CPEB3: variants seen among roughly 807,000 people sequenced by gnomAD.
CPEB3 encodes cytoplasmic polyadenylation element binding protein 3.
A neutral mutation model predicts 67.2 loss-of-function variants in CPEB3; 20 were observed. The ratio of observed to expected loss-of-function variants is 0.30; its 90% CI spans 0.21 to 0.43. CPEB3 has a LOEUF of 0.43. CPEB3 is among the 20% of genes least tolerant of loss of function. The pLI, the probability that CPEB3 is intolerant of heterozygous loss-of-function variation, is 1.00. For missense variants in CPEB3, 746 were observed against 968.6 expected, an observed-to-expected ratio of 0.77 and a Z score of 3.05; for synonymous variants, 376 against 393.1, an observed-to-expected ratio of 0.96 and a Z score of 0.51.
rs200569964 is a variant in CPEB3 at position 92,165,041 on chromosome 10, CA to C, written c.1222+15921del. On this transcript the variant is annotated intron_variant, in intron 4 of 9. Transcript: ENST00000265997. ...AAATATCACAGTAAAGCAAGTCACA[CA>C]ATTTTTTTATTTCCTAGCGCATACA... Among the ~76,000 whole-genome samples, 40 of 152,262 alleles carry C rather than the reference CA, an allele frequency of 2.6e-4. No homozygotes were observed. In the East Asian group the frequency reaches 7.3e-3, roughly 28 times the overall value.
At chr10:92,114,311 T>C (rs927685159) in intron 6 of CPEB3, among the ~76,000 whole-genome samples, 1 of 152,200 alleles carries the variant, frequency 6.6e-6, no homozygotes, top group African/African-American at 2.4e-5. Context: ...TTTTTTAAAA[T>C]CAGGAAGAAT....
Position 92,125,430 on chromosome 10 carries a change from A to T in CPEB3, c.1454-14236T>A, listed in dbSNP as rs139426351. 3.6e-3 allele frequency among the ~76,000 whole-genome samples: 550 copies of T among 152,310 alleles called. 4 individuals carry two copies. The highest frequency in any genetic ancestry group is 0.012 in the African/African-American group (519 of 41,572). On this transcript the variant is annotated intron_variant, in intron 6 of 9. Transcript: ENST00000265997. The stretch of plus-strand genomic sequence containing the variant: ...CCCAAGAGGCCTCAACAGTGGTAGC[A>T]CAGCTGTGCTCATTGCACAGCAGAT...
At chr10:92,076,696 G>A (rs1482695181) in intron 9 of CPEB3, among the ~76,000 whole-genome samples, 1 of 152,122 alleles carries the variant, frequency 6.6e-6, no homozygotes, top group African/African-American at 2.4e-5. Context: ...TTATACACAT[G>A]AGCCACTGTG....
intron 6 of CPEB3, among the ~76,000 whole-genome samples, chr10:92,136,487 A>AG (rs1204922108): frequency 2.8e-4 from 42 of 152,342 alleles, no homozygotes; most frequent in African/African-American, 8.9e-4. Context: ...ACAACTCAAT[A>AG]GGAAAAAAAA....
intron 2 of CPEB3, among the ~76,000 whole-genome samples, chr10:92,222,824 C>G (rs1343979826): frequency 6.6e-6 from 1 of 152,176 alleles, no homozygotes; most frequent in Non-Finnish European, 1.5e-5. Flanking sequence ...ACACCCCAAG[C>G]TGCAAAGCAT....
chr10:92,073,038 C>CTTTTTTTTTTTT (rs546510647), intron 9 of CPEB3, among the ~76,000 whole-genome samples: 1 of 61,236 alleles, frequency 1.6e-5, no homozygotes, highest in African/African-American at 7.3e-5. Flanking sequence ...GAATCTCTGT[C>CTTTTTTTTTTTT]TTTTTTTTTT....
At chr10:92,194,824 G>A (rs1254630024) in intron 2 of CPEB3, among the ~76,000 whole-genome samples, 1 of 151,862 alleles carries the variant, frequency 6.6e-6, no homozygotes, top group Non-Finnish European at 1.5e-5. Flanking sequence ...GGCGGATCAC[G>A]AGGTCAGGAG....
intron 6 of CPEB3, chr10:92,118,955 G>A (rs1425837318): frequency 1.5e-6 from 2 of 1,358,474 alleles, no homozygotes; most frequent in Non-Finnish European, 2.1e-6. Context: ...GTCTTATTTG[G>A]AGCTGGTGAA....
At chr10:92,151,888 C>T (rs1846984832) in intron 4 of CPEB3, among the ~76,000 whole-genome samples, 1 of 152,194 alleles carries the variant, frequency 6.6e-6, no homozygotes, top group Non-Finnish European at 1.5e-5. Flanking sequence ...ACTGCCATCA[C>T]CCTATCCTAA....
chr10:92,078,717 T>C (rs758099820), intron 9 of CPEB3, among the ~76,000 whole-genome samples: 8 of 152,198 alleles, frequency 5.3e-5, no homozygotes, highest in Non-Finnish European at 1.2e-4. Context: ...TTTCATAGCA[T>C]GTTCTACAAT....
chr10:92,214,599 C>T (rs1435327891), intron 2 of CPEB3, among the ~76,000 whole-genome samples: 2 of 152,070 alleles, frequency 1.3e-5, no homozygotes, highest in Non-Finnish European at 2.9e-5. Context: ...TCTCCTGCCT[C>T]AGTCCCCCAA....
chr10:92,221,551 A>G (rs533576894), intron 2 of CPEB3, among the ~76,000 whole-genome samples: 1 of 152,298 alleles, frequency 6.6e-6, no homozygotes, highest in South Asian at 2.1e-4. Flanking sequence ...AGCATCTACT[A>G]CAGCTGAAGC....
intron 1 of CPEB3, among the ~76,000 whole-genome samples, chr10:92,254,055 C>T (rs776316036): frequency 4.6e-5 from 7 of 151,960 alleles, no homozygotes; most frequent in Non-Finnish European, 1.0e-4. Context: ...ATAGTGAGAC[C>T]TTATCTCTAC....
At chr10:92,229,253 C>T (rs996979079) in intron 2 of CPEB3, among the ~76,000 whole-genome samples, 1 of 152,016 alleles carries the variant, frequency 6.6e-6, no homozygotes, top group African/African-American at 2.4e-5. Flanking sequence ...AAGCTGGTTT[C>T]GAACACCTGG....
intron 1 of CPEB3, among the ~76,000 whole-genome samples, chr10:92,275,436 T>C (rs1841933839): frequency 6.6e-6 from 1 of 152,218 alleles, no homozygotes; most frequent in African/African-American, 2.4e-5. Context: ...ATCTCATTTG[T>C]TTACTAGCTC....
intron 7 of CPEB3, among the ~76,000 whole-genome samples, chr10:92,097,516 C>T (rs1472597877): frequency 6.6e-6 from 1 of 152,176 alleles, no homozygotes; most frequent in Non-Finnish European, 1.5e-5. Flanking sequence ...AAATTCTTAT[C>T]TTCTGTTTCA....
rs374876690 is a variant in CPEB3 at position 92,144,906 on chromosome 10, A to C, written c.1363+39T>G. 5.1e-4 allele frequency: 821 copies of C among 1,601,294 alleles called. 1 individual carries two copies. Among genetic ancestry groups the C allele is most frequent in the Non-Finnish European group, 6.5e-4 (758 of 1,170,138 alleles). On this transcript the variant is annotated intron_variant, in intron 5 of 9. Transcript: ENST00000265997. ...GCAGGGTCAGAACACACAAATAACA[A>C]ACTCAGCCTTTGCAAAATCATTAAT...
intron 9 of CPEB3, among the ~76,000 whole-genome samples, chr10:92,062,346 T>TA (rs1338824666): frequency 3.3e-5 from 5 of 149,624 alleles, no homozygotes; most frequent in African/African-American, 1.2e-4. Context: ...TGTTAAAGAA[T>TA]AAAAGGACAT....
At chr10:92,208,426 C>T (rs1175554453) in intron 2 of CPEB3, among the ~76,000 whole-genome samples, 2 of 152,088 alleles carry the variant, frequency 1.3e-5, no homozygotes, top group Admixed American at 6.6e-5. Flanking sequence ...TTTCAAGAAT[C>T]TGATAAGTAT....
Sources: allele counts gnomAD v4.1 joint callset (sites outside exome capture counted in the v4.1 genomes callset), GRCh38; gene constraint gnomAD v4.1.1; transcripts MANE v1.5; gene names NCBI Gene and HGNC (gene_info 2026-07-23, HGNC 2026-07-21).